AKAP7: variants seen among roughly 807,000 people sequenced by gnomAD.
The protein encoded by AKAP7 is A-kinase anchoring protein 7.
AKAP7 carries 39 observed loss-of-function variants against 39.5 expected under a neutral mutation model. That is an observed-to-expected ratio of 0.99 (90% CI 0.76 to 1.29). AKAP7 has a LOEUF of 1.29. AKAP7 is among the 50% of genes most tolerant of loss of function. AKAP7 has a pLI of 0.00. For synonymous variants in AKAP7, 140 were observed against 139.1 expected (o/e 1.01, Z -0.05); for missense variants, 414 against 407.7 (o/e 1.02, Z -0.13).
At chr6:131,174,700 A>G (rs1041793848) in intron 5 of AKAP7, among the ~76,000 whole-genome samples, 3 of 152,378 alleles carry the variant, frequency 2.0e-5, no homozygotes, top group African/African-American at 7.2e-5. Flanking sequence ...TTCAAATGAT[A>G]TATTCTAACT....
rs543137243 is a variant in AKAP7, at chr6:131,211,408, C to T, written c.703-8253C>T. On this transcript the variant is annotated intron_variant, in intron 6 of 7. Coordinates refer to ENST00000431975, the MANE Select transcript of AKAP7 (RefSeq NM_016377.4). ...CTGACTGGTTTGATGCCTATTTTAA[C>T]TGTACTTTTAAAAAGCAAATCTAAT... 3.9e-5 allele frequency among the ~76,000 whole-genome samples: 6 copies of T among 152,078 alleles called. No individual in the cohort carries two copies. The South Asian group carries it at 1.2e-3, about 32-fold the overall frequency.
Position 131,160,066 on chromosome 6 carries a change from T to G in AKAP7, c.159T>G (p.Asp53Glu). 6.3e-7 allele frequency: 1 copy of G among 1,589,756 alleles called. No individual in the cohort carries two copies. The highest frequency in any genetic ancestry group is 8.5e-7 in the Non-Finnish European group (1 of 1,173,584). The change falls in exon 3 of 8, where the codon GAT becomes GAG. Residue 53 changes from aspartate to glutamate, a missense_variant. By Grantham distance (45) the Asp-to-Glu change is conservative. Transcript: ENST00000431975. ...TTGACTTTTTTCCTCTAGTCACTGA[T>G]GAACCTCAAATAAATTTGAAGAGAA... ...VDIQDDCGIT[D>E]EPQINLKRSQ...
intron 5 of AKAP7, chr6:131,184,936 C>A (rs1329282873): frequency 1.2e-6 from 1 of 814,686 alleles, no homozygotes; most frequent in Non-Finnish European, 2.2e-6. Flanking sequence ...ACACCTTTAC[C>A]CTTGGATTAC....
At chr6:131,206,682 T>A (rs1322297781) in intron 6 of AKAP7, among the ~76,000 whole-genome samples, 1 of 152,190 alleles carries the variant, frequency 6.6e-6, no homozygotes, top group East Asian at 1.9e-4. Context: ...CATCCCTCCC[T>A]AACTGTGAGC....
intron 7 of AKAP7, chr6:131,250,626 A>G: frequency 6.2e-7 from 1 of 1,613,580 alleles, no homozygotes; most frequent in Non-Finnish European, 8.5e-7. Context: ...AGTAAGTGGG[A>G]TTTGTACTGT....
At chr6:131,211,516 A>G (rs1808636467) in intron 6 of AKAP7, among the ~76,000 whole-genome samples, 1 of 152,074 alleles carries the variant, frequency 6.6e-6, no homozygotes. Flanking sequence ...CTGTAATCCC[A>G]GCACTTTGGG....
chr6:131,279,896 T>A (rs890275867), intron 7 of AKAP7, among the ~76,000 whole-genome samples: 1 of 152,222 alleles, frequency 6.6e-6, no homozygotes, highest in African/African-American at 2.4e-5. Context: ...GGAAGAGTCA[T>A]TATACAAACA....
intron 5 of AKAP7, among the ~76,000 whole-genome samples, chr6:131,192,445 A>G (rs564694845): frequency 8.5e-5 from 13 of 152,240 alleles, no homozygotes; most frequent in African/African-American, 2.9e-4. Context: ...CCATTGATCT[A>G]TATGTCTGTT....
intron 7 of AKAP7, among the ~76,000 whole-genome samples, chr6:131,225,384 A>G (rs1414379034): frequency 1.3e-5 from 2 of 152,194 alleles, no homozygotes; most frequent in Non-Finnish European, 2.9e-5. Flanking sequence ...ACCACAAATC[A>G]TCCTCATCCG....
At chr6:131,207,491 ATTTTTTTTTTTTTTT>A (rs531582478) in intron 6 of AKAP7, among the ~76,000 whole-genome samples, 1 of 78,806 alleles carries the variant, frequency 1.3e-5, no homozygotes, top group Non-Finnish European at 2.6e-5. Flanking sequence ...GCTAATTAAA[ATTTTTTTTTTTTTTT>A]TTTTTTTTTT....
chr6:131,214,840 G>A lies in AKAP7; in HGVS notation c.703-4821G>A, dbSNP rs190780522. Among the ~76,000 whole-genome samples the A allele has an allele frequency of 4.7e-3, 708 of 152,184 alleles. 7 individuals are homozygous for A. Among genetic ancestry groups the A allele is most frequent in the African/African-American group, 0.016 (678 of 41,514 alleles). ...ATTCTTAGAATTTTAATATTTTAAA[G>A]TAAATAATGGAGGGCTTGAAATTAT... On this transcript the variant is annotated intron_variant, in intron 6 of 7. Transcript: ENST00000431975.
intron 3 of AKAP7, among the ~76,000 whole-genome samples, chr6:131,164,879 T>C (rs1027969390): frequency 7.2e-5 from 11 of 152,204 alleles, no homozygotes; most frequent in Non-Finnish European, 1.6e-4. Flanking sequence ...GCTTTAAAAC[T>C]TACACATCCT....
chr6:131,184,214 G>A (rs534800783), intron 5 of AKAP7: 22 of 406,440 alleles, frequency 5.4e-5, no homozygotes, highest in African/African-American at 4.1e-4. Flanking sequence ...ACCACCCCAA[G>A]GTTCTCTGGA....
At chr6:131,271,484 T>C (rs1043351081) in intron 7 of AKAP7, among the ~76,000 whole-genome samples, 5 of 152,026 alleles carry the variant, frequency 3.3e-5, no homozygotes, top group African/African-American at 1.2e-4. Flanking sequence ...TCAGGAAGTA[T>C]AAGTCTTCTA....
At chr6:131,210,239 C>A (rs1808518830) in intron 6 of AKAP7, among the ~76,000 whole-genome samples, 1 of 152,180 alleles carries the variant, frequency 6.6e-6, no homozygotes, top group South Asian at 2.1e-4. Context: ...GGAAAGATAC[C>A]TTAAAAATAG....
At chr6:131,128,750 A>C in the AKAP7 span, among the ~76,000 whole-genome samples, 1 of 150,792 alleles carries the variant, frequency 6.6e-6, no homozygotes, top group Non-Finnish European at 1.5e-5. Context: ...TGAACCCAGG[A>C]GATGGAGGTT....
chr6:131,184,378 G>T, intron 5 of AKAP7: 1 of 662,590 alleles, frequency 1.5e-6, no homozygotes, highest in Non-Finnish European at 2.9e-6. Flanking sequence ...AACAGGTCCA[G>T]ACACAGGTGG....
intron 4 of AKAP7, among the ~76,000 whole-genome samples, chr6:131,168,495 T>C (rs1294797450): frequency 1.3e-5 from 2 of 151,994 alleles, no homozygotes; most frequent in Non-Finnish European, 2.9e-5. Flanking sequence ...AGGAAAGATA[T>C]CGCACTTCTA....
At chr6:131,141,899 CTT>C (rs773131426) in intron 1 of AKAP7, among the ~76,000 whole-genome samples, 2,493 of 116,098 alleles carry the variant, frequency 0.021, 74 homozygotes, top group African/African-American at 0.071. Flanking sequence ...TTCTTTCTTT[CTT>C]TTTTTTTTTT....
Sources: gnomAD v4.1 joint callset for allele counts (sites outside exome capture counted in the v4.1 genomes callset) on GRCh38, gnomAD v4.1.1 for gene constraint, MANE v1.5 for transcripts, NCBI Gene and HGNC (gene_info 2026-07-23, HGNC 2026-07-21) for gene names.